Variants in ARHGEF26 observed in about 807,000 individuals in gnomAD.
The protein encoded by ARHGEF26 is Rho guanine nucleotide exchange factor 26, also known as Rho guanine nucleotide exchange factor (GEF) 26.
Under a neutral mutation model 89.4 loss-of-function variants are expected in ARHGEF26, and 59 were observed. The ratio of observed to expected loss-of-function variants is 0.66; its 90% confidence interval spans 0.54 to 0.82. ARHGEF26 has a LOEUF of 0.82. Among genes scored for constraint, ARHGEF26 ranks in the 40% least tolerant of loss-of-function variants. The probability of loss-of-function intolerance (pLI) is 0.00; values close to 1 mark genes in which losing one functional copy is unlikely to be tolerated. For synonymous variants in ARHGEF26, 500 were observed against 428.4 expected, an observed-to-expected ratio of 1.17 and a Z score of -2.06; for missense variants, 1,234 against 1,085.6, an observed-to-expected ratio of 1.14 and a Z score of -1.92.
At chr3:154,152,108 CCTT>C (rs1720060948) in intron 5 of ARHGEF26, among the ~76,000 whole-genome samples, 1 of 152,094 alleles carries the variant, frequency 6.6e-6, no homozygotes, top group African/African-American at 2.4e-5. Flanking sequence ...GTCCTTTGCT[CCTT>C]CTTGAGACAT....
At chr3:154,255,272 T>C (rs1718425859) in intron 14 of ARHGEF26, 59 bp from the exon 15 acceptor site, 2 of 1,557,676 alleles carry the variant, frequency 1.3e-6, no homozygotes, top group East Asian at 2.2e-5. Flanking sequence ...TTCATATCCT[T>C]GGAGCCTGGC....
intron 4 of ARHGEF26, among the ~76,000 whole-genome samples, chr3:154,131,574 A>C (rs1718684258): frequency 6.6e-6 from 1 of 152,172 alleles, no homozygotes; most frequent in Non-Finnish European, 1.5e-5. Flanking sequence ...GTTGGCTCTA[A>C]ATGGCTGTCA....
At chr3:154,135,805 A>G (rs1381962911) in intron 4 of ARHGEF26, among the ~76,000 whole-genome samples, 1 of 152,050 alleles carries the variant, frequency 6.6e-6, no homozygotes, top group Non-Finnish European at 1.5e-5. Context: ...GGAAGTATTT[A>G]TTGTCTTTTC....
chr3:154,223,620 A>G (rs1351361818), intron 10 of ARHGEF26, among the ~76,000 whole-genome samples: 2 of 152,326 alleles, frequency 1.3e-5, no homozygotes, highest in East Asian at 1.9e-4. Context: ...TTCCATTTAT[A>G]TGACACATCC....
chr3:154,217,594 G>C (rs1715846379), intron 9 of ARHGEF26, among the ~76,000 whole-genome samples: 1 of 152,168 alleles, frequency 6.6e-6, no homozygotes, highest in Non-Finnish European at 1.5e-5. Flanking sequence ...TTTGAGGTTG[G>C]CCATCTCCCT....
intron 6 of ARHGEF26, among the ~76,000 whole-genome samples, chr3:154,185,648 A>T (rs1481228379): frequency 6.6e-6 from 1 of 152,184 alleles, no homozygotes; most frequent in Non-Finnish European, 1.5e-5. Context: ...GTTAAGGGTT[A>T]TTGTGGAGGC....
chr3:154,253,610 C>A (rs987253929), intron 13 of ARHGEF26, among the ~76,000 whole-genome samples: 2 of 152,192 alleles, frequency 1.3e-5, no homozygotes, highest in Admixed American at 1.3e-4. Flanking sequence ...TGGATTTAAG[C>A]TGAAAAGTAT....
At chr3:154,157,805 T>A (rs541579460) in intron 6 of ARHGEF26, among the ~76,000 whole-genome samples, 1 of 152,204 alleles carries the variant, frequency 6.6e-6, no homozygotes, top group African/African-American at 2.4e-5. Flanking sequence ...GAATTCAGTT[T>A]GGGGCATTTT....
intron 9 of ARHGEF26, among the ~76,000 whole-genome samples, chr3:154,214,039 G>A (rs1194122091): frequency 6.6e-6 from 1 of 152,146 alleles, no homozygotes; most frequent in Non-Finnish European, 1.5e-5. Context: ...CGGACAGAGT[G>A]GGGTGAAGGA....
At chr3:154,191,221 A>G in intron 7 of ARHGEF26, 68 bp from the exon 8 acceptor site, 5 of 1,500,792 alleles carry the variant, frequency 3.3e-6, no homozygotes, top group South Asian at 2.5e-5. Context: ...TTTGTAATAC[A>G]TTTTTACTTG....
chr3:154,123,176 C>A, intron 2 of ARHGEF26, 101 bp downstream of exon 2: 1 of 1,483,804 alleles, frequency 6.7e-7, no homozygotes, highest in Non-Finnish European at 9.1e-7. Flanking sequence ...GAAGTCATTC[C>A]GTTTTAATTC....
At chr3:154,131,025 T>G (rs1388188962) in intron 4 of ARHGEF26, among the ~76,000 whole-genome samples, 1 of 152,216 alleles carries the variant, frequency 6.6e-6, no homozygotes, top group East Asian at 1.9e-4. Flanking sequence ...TCTCCCTGTC[T>G]TCTTCCCACC....
intron 6 of ARHGEF26, among the ~76,000 whole-genome samples, chr3:154,158,327 TA>T (rs1009767137): frequency 2.4e-4 from 37 of 152,338 alleles, no homozygotes; most frequent in African/African-American, 8.9e-4. Context: ...CCTCTCTTAT[TA>T]ACACCTTCCT....
intron 3 of ARHGEF26, among the ~76,000 whole-genome samples, chr3:154,125,987 G>C (rs1226606373): frequency 6.6e-6 from 1 of 152,112 alleles, no homozygotes; most frequent in Non-Finnish European, 1.5e-5. Flanking sequence ...GGACCTCACT[G>C]AGCCACCTCA....
intron 8 of ARHGEF26, 47 bp from the exon 9 acceptor site, chr3:154,194,597 T>G (rs1158262880): frequency 7.2e-7 from 1 of 1,382,630 alleles, no homozygotes; most frequent in Non-Finnish European, 1.0e-6. Context: ...TTTATTTTAC[T>G]TAATAAAATA....
chr3:154,186,370 TATA>T (rs10576098), intron 6 of ARHGEF26, among the ~76,000 whole-genome samples: 29,091 of 152,050 alleles, frequency 0.19, 3,087 homozygotes, highest in South Asian at 0.37. Context: ...ATATGACATA[TATA>T]ATGATATATA....
intron 6 of ARHGEF26, among the ~76,000 whole-genome samples, chr3:154,159,540 C>T (rs920762262): frequency 2.6e-5 from 4 of 152,046 alleles, no homozygotes; most frequent in African/African-American, 9.7e-5. Flanking sequence ...GCACTTGCTT[C>T]TCCAGAAGTT....
At chr3:154,176,521 A>G (rs2108151501) in intron 6 of ARHGEF26, among the ~76,000 whole-genome samples, 1 of 152,256 alleles carries the variant, frequency 6.6e-6, no homozygotes. Context: ...AGCATCCTTC[A>G]CAAGCAATGA....
chr3:154,200,625 T>C (rs140919785), intron 9 of ARHGEF26, among the ~76,000 whole-genome samples: 80 of 152,070 alleles, frequency 5.3e-4, no homozygotes, highest in Non-Finnish European at 9.0e-4. Context: ...GGATTTACAT[T>C]GAATCTGTAG....
Sources: gnomAD v4.1 joint callset for allele counts (sites outside exome capture counted in the v4.1 genomes callset) on GRCh38, gnomAD v4.1.1 for gene constraint, MANE v1.5 for transcripts, NCBI Gene and HGNC (gene_info 2026-07-23, HGNC 2026-07-21) for gene names.